Variants in UNC13B observed in about 807,000 individuals in gnomAD.
The protein encoded by UNC13B is protein unc-13 homolog B.
UNC13B carries 144 observed loss-of-function variants against 211.0 expected under a neutral mutation model. The ratio of observed to expected loss-of-function variants is 0.68; its 90% CI spans 0.60 to 0.78. UNC13B has a LOEUF of 0.78. UNC13B is among the 30% of genes least tolerant of loss of function. UNC13B has a pLI of 0.00. For missense variants in UNC13B, 1,777 were observed against 2,002.0 expected (o/e 0.89, Z 2.14); for synonymous variants, 709 against 725.8 (o/e 0.98, Z 0.37).
chr9:35,366,176 C>G (rs1010938972), intron 11 of UNC13B, among the ~76,000 whole-genome samples: 1 of 152,208 alleles, frequency 6.6e-6, no homozygotes, highest in African/African-American at 2.4e-5. Flanking sequence ...TGCTATTGGA[C>G]CTCTGGAGCA....
intron 11 of UNC13B, among the ~76,000 whole-genome samples, chr9:35,339,972 A>G (rs1325120565): frequency 2.0e-5 from 3 of 152,250 alleles, no homozygotes; most frequent in Admixed American, 2.0e-4. Flanking sequence ...CAAACCTGAT[A>G]GTGACAGCCA....
chr9:35,182,065 T>C (rs1424321931), intron 1 of UNC13B, among the ~76,000 whole-genome samples: 1 of 152,198 alleles, frequency 6.6e-6, no homozygotes, highest in Non-Finnish European at 1.5e-5. Context: ...GGAGTGATTA[T>C]AGGATTACCA....
chr9:35,326,796 ATATTT>A (rs1167364059), intron 11 of UNC13B, among the ~76,000 whole-genome samples: 1 of 152,230 alleles, frequency 6.6e-6, no homozygotes, highest in African/African-American at 2.4e-5. Context: ...ATCTCTCAAA[ATATTT>A]TATTGTATTG....
rs949506257 is a variant in UNC13B at position 35,303,164 on chromosome 9, T to C, written c.3760T>C (p.Leu1254=). The C allele has an allele frequency of 2.5e-6, 1 of 398,596 alleles. No homozygotes were observed. The highest frequency in any genetic ancestry group is 2.1e-5 in the African/African-American group (1 of 48,610). 24.7% of individuals were successfully genotyped at this position (398,596 alleles called of 1,614,324 possible). Residue 1254 remains leucine, a synonymous_variant, in exon 9 of 40, where the codon TTA becomes CTA. Coordinates refer to ENST00000635942, the MANE Select transcript of UNC13B (RefSeq NM_001371189.2). ...TTCTAGCTTCATAGAAGCCTCCTTATTACCTAAAGAAAACATACCATTATC... is the reference window on the plus strand; with the variant it reads ...TTCTAGCTTCATAGAAGCCTCCTTACTACCTAAAGAAAACATACCATTATC... ...ETSSFIEASL[L]PKENIPLSDA... is the part of the protein sequence containing the mutation.
chr9:35,198,792 T>C (rs1016599915), intron 1 of UNC13B, among the ~76,000 whole-genome samples: 6 of 152,100 alleles, frequency 3.9e-5, no homozygotes, highest in African/African-American at 1.4e-4. Context: ...TGGAGCAAAG[T>C]CAGTTTTGTT....
chr9:35,263,054 G>C (rs534199696), intron 7 of UNC13B, among the ~76,000 whole-genome samples: 1 of 152,180 alleles, frequency 6.6e-6, no homozygotes, highest in Non-Finnish European at 1.5e-5. Flanking sequence ...TCATATGGGG[G>C]TATACCTTCT....
At chr9:35,283,454 A>G (rs1261709974) in intron 7 of UNC13B, among the ~76,000 whole-genome samples, 1 of 152,136 alleles carries the variant, frequency 6.6e-6, no homozygotes, top group Non-Finnish European at 1.5e-5. Context: ...TTATTTTCAC[A>G]TTTAGCCTCA....
intron 6 of UNC13B, among the ~76,000 whole-genome samples, chr9:35,254,565 AG>A (rs755727118): frequency 7.9e-5 from 12 of 152,062 alleles, no homozygotes; most frequent in Non-Finnish European, 1.5e-4. Flanking sequence ...ACTATAGCAG[AG>A]GGGTGTATAT....
intron 7 of UNC13B, among the ~76,000 whole-genome samples, chr9:35,267,978 G>A (rs1827667351): frequency 6.6e-6 from 1 of 152,144 alleles, no homozygotes; most frequent in African/African-American, 2.4e-5. Flanking sequence ...AAGGATATAG[G>A]CAAGCAGTTC....
At chr9:35,176,920 A>G (rs1821667223) in intron 1 of UNC13B, among the ~76,000 whole-genome samples, 1 of 152,156 alleles carries the variant, frequency 6.6e-6, no homozygotes, top group South Asian at 2.1e-4. Context: ...TAGTATGTGC[A>G]AAGGCCTTGC....
chr9:35,355,363 T>A (rs1266258270), intron 11 of UNC13B, among the ~76,000 whole-genome samples: 1 of 152,224 alleles, frequency 6.6e-6, no homozygotes, highest in African/African-American at 2.4e-5. Flanking sequence ...AGAATTTGAA[T>A]CATATGAATA....
chr9:35,374,918 ATAGT>A (rs1564176163), intron 13 of UNC13B, among the ~76,000 whole-genome samples: 3 of 152,336 alleles, frequency 2.0e-5, no homozygotes, highest in African/African-American at 4.8e-5. Flanking sequence ...CTGTTCTAAC[ATAGT>A]TAGAGCAGCC....
At chr9:35,361,834 T>C (rs1284954795) in intron 11 of UNC13B, 2 of 152,130 alleles carry the variant, frequency 1.3e-5, no homozygotes, top group Non-Finnish European at 2.9e-5. Flanking sequence ...AACTAAGTCT[T>C]AGGGAATATG....
At chr9:35,299,594 G>A (rs1309786402) in intron 8 of UNC13B, among the ~76,000 whole-genome samples, 1 of 152,060 alleles carries the variant, frequency 6.6e-6, no homozygotes, top group Non-Finnish European at 1.5e-5. Context: ...AAAAATGATT[G>A]CAAGTTGAAG....
chr9:35,198,144 CT>C, intron 1 of UNC13B, among the ~76,000 whole-genome samples: 1 of 152,066 alleles, frequency 6.6e-6, no homozygotes, highest in Non-Finnish European at 1.5e-5. Context: ...ATCTATGTCT[CT>C]ACCAAATCTC....
intron 7 of UNC13B, among the ~76,000 whole-genome samples, chr9:35,259,796 CG>C (rs563086434): frequency 0.025 from 354 of 14,032 alleles, 3 homozygotes; most frequent in African/African-American, 0.038. Flanking sequence ...TAGGGGGATG[CG>C]GGGGGGGGGG....
At chr9:35,200,742 T>C (rs999320496) in intron 1 of UNC13B, among the ~76,000 whole-genome samples, 5 of 152,164 alleles carry the variant, frequency 3.3e-5, no homozygotes, top group South Asian at 2.1e-4. Context: ...TGGGCTGAGA[T>C]GATGGGGTTT....
chr9:35,341,601 C>G (rs1329919284), intron 11 of UNC13B, among the ~76,000 whole-genome samples: 1 of 151,912 alleles, frequency 6.6e-6, no homozygotes, highest in Non-Finnish European at 1.5e-5. Context: ...TCCTATAGCC[C>G]AGATGTGAGA....
chr9:35,304,447 T>G lies in UNC13B; in HGVS notation c.5043T>G (p.Asn1681Lys). The G allele has an allele frequency of 2.5e-6, 1 of 398,602 alleles. No individual in the cohort carries two copies. The highest frequency in any genetic ancestry group is 4.4e-6 in the Non-Finnish European group (1 of 225,866). 24.7% of individuals were successfully genotyped at this position (398,602 alleles called of 1,614,324 possible). A position where few individuals can be genotyped will look rare whatever the true frequency, so the allele number is the denominator to read the frequency against. Residue 1681 changes from asparagine to lysine, a missense_variant, in exon 9 of 40, where the codon AAT becomes AAG. Transcript: ENST00000635942. ...EDAECTLDLR[N>K]QPQTISNHVS... Reference sequence around the variant, plus strand: ...CTGAATGTACATTAGATCTCAGAAATCAGCCCCAAACTATTAGTAATCATG... The same window carrying G: ...CTGAATGTACATTAGATCTCAGAAAGCAGCCCCAAACTATTAGTAATCATG...
Sources: gnomAD v4.1 joint callset for allele counts (sites outside exome capture counted in the v4.1 genomes callset) on GRCh38, gnomAD v4.1.1 for gene constraint, MANE v1.5 for transcripts, NCBI Gene and HGNC (gene_info 2026-07-23, HGNC 2026-07-21) for gene names.